The following GALNT17 variants were observed in gnomAD, a reference collection of about 807,000 sequenced individuals.
The protein encoded by GALNT17 is polypeptide N-acetylgalactosaminyltransferase 17, also known as UDP-GalNAc:polypeptide N-acetylgalactosaminyltransferase-like 3.
Under a neutral mutation model 63.7 loss-of-function variants are expected in GALNT17, and 29 were observed. The observed-to-expected ratio is 0.46, with a 90% CI of 0.34 to 0.62. The LOEUF is 0.62. Among genes scored for constraint, GALNT17 ranks in the 20% least tolerant of loss-of-function variants. GALNT17 has a pLI of 0.01. For synonymous variants in GALNT17, 305 were observed against 318.3 expected, an observed-to-expected ratio of 0.96 and a Z score of 0.45; for missense variants, 603 against 799.6, an observed-to-expected ratio of 0.75 and a Z score of 2.97.
intron 6 of GALNT17, among the ~76,000 whole-genome samples, chr7:71,599,142 C>T (rs921600235): frequency 6.6e-6 from 1 of 151,982 alleles, no homozygotes; most frequent in South Asian, 2.1e-4. Context: ...CATGGGACAC[C>T]ATGAGTCTTG....
intron 9 of GALNT17, among the ~76,000 whole-genome samples, chr7:71,699,528 G>A (rs997179591): frequency 6.6e-6 from 1 of 151,078 alleles, no homozygotes; most frequent in African/African-American, 2.4e-5. Context: ...AGAGTGAAAT[G>A]TTGAATTAAA....
At chr7:71,569,594 A>G (rs1409287392) in intron 5 of GALNT17, among the ~76,000 whole-genome samples, 1 of 152,202 alleles carries the variant, frequency 6.6e-6, no homozygotes, top group Non-Finnish European at 1.5e-5. Context: ...TGCATTTTCA[A>G]AGGAGCTGTT....
intron 1 of GALNT17, among the ~76,000 whole-genome samples, chr7:71,331,063 G>A (rs565464392): frequency 6.6e-6 from 1 of 152,270 alleles, no homozygotes; most frequent in East Asian, 1.9e-4. Context: ...CCATCTGGAT[G>A]TCCCACGGAT....
Position 71,458,506 on chromosome 7 carries a change from G to A in GALNT17, c.962+37401G>A, listed in dbSNP as rs933812685. 8.5e-5 allele frequency among the ~76,000 whole-genome samples: 13 copies of A among 152,332 alleles called. No homozygotes were observed. The East Asian group carries it at 1.5e-3, about 18-fold the overall frequency. On this transcript the variant is annotated intron_variant, in intron 5 of 10. Coordinates refer to ENST00000333538, the MANE Select transcript of GALNT17 (RefSeq NM_022479.3). Reference sequence around the variant, plus strand: ...CTCAGATACATTTAGCTCAGTTGCAGTGCTCCTTTAGCTCTGCTACCTACA... The same window carrying A: ...CTCAGATACATTTAGCTCAGTTGCAATGCTCCTTTAGCTCTGCTACCTACA...
At chr7:71,240,874 C>T (rs948802833) in intron 1 of GALNT17, among the ~76,000 whole-genome samples, 5 of 152,024 alleles carry the variant, frequency 3.3e-5, no homozygotes, top group Admixed American at 2.6e-4. Flanking sequence ...CCGTGTTAGC[C>T]AGGATGGTCT....
chr7:71,501,095 G>T (rs1006014345), intron 5 of GALNT17, among the ~76,000 whole-genome samples: 1 of 152,080 alleles, frequency 6.6e-6, no homozygotes, highest in African/African-American at 2.4e-5. Context: ...TCAGCCTCCT[G>T]AGTAGCTGGG....
At chr7:71,676,564 T>G (rs924060800) in intron 8 of GALNT17, among the ~76,000 whole-genome samples, 1 of 151,956 alleles carries the variant, frequency 6.6e-6, no homozygotes. Flanking sequence ...GTTTTAATGT[T>G]TTTTTAGGAT....
At chr7:71,379,710 G>A (rs1408427668) in intron 2 of GALNT17, among the ~76,000 whole-genome samples, 1 of 152,124 alleles carries the variant, frequency 6.6e-6, no homozygotes, top group Non-Finnish European at 1.5e-5. Context: ...ACAAAAAGAG[G>A]AGGTTTCAGT....
At chr7:71,373,567 C>T (rs879936808) in intron 2 of GALNT17, among the ~76,000 whole-genome samples, 14 of 152,148 alleles carry the variant, frequency 9.2e-5, no homozygotes, top group Non-Finnish European at 1.5e-4. Context: ...CGAAGCTTCA[C>T]CTGTATTTAC....
intron 1 of GALNT17, among the ~76,000 whole-genome samples, chr7:71,133,847 C>CTGA (rs1787733198): frequency 6.6e-6 from 1 of 152,178 alleles, no homozygotes; most frequent in African/African-American, 2.4e-5. Context: ...TGTTACCTAC[C>CTGA]TGAGTACAGG....
chr7:71,382,029 A>G (rs1792855481), intron 2 of GALNT17, among the ~76,000 whole-genome samples: 1 of 152,168 alleles, frequency 6.6e-6, no homozygotes, highest in Non-Finnish European at 1.5e-5. Context: ...GGAAGTATGG[A>G]GAGTCCAGTT....
chr7:71,472,493 A>G (rs1383103521), intron 5 of GALNT17, among the ~76,000 whole-genome samples: 2 of 151,994 alleles, frequency 1.3e-5, no homozygotes, highest in South Asian at 2.1e-4. Flanking sequence ...TCAAGACCAT[A>G]CTGGCCAACA....
intron 2 of GALNT17, among the ~76,000 whole-genome samples, chr7:71,361,829 C>A (rs926663359): frequency 6.6e-6 from 1 of 151,978 alleles, no homozygotes; most frequent in Admixed American, 6.6e-5. Context: ...AGAGAGTGGG[C>A]AGGCAGGAAG....
chr7:71,192,514 G>A (rs1313902583), intron 1 of GALNT17, among the ~76,000 whole-genome samples: 6 of 151,590 alleles, frequency 4.0e-5, no homozygotes, highest in Admixed American at 2.6e-4. Context: ...TCCCGCCTCA[G>A]CCTCCCAAGT....
chr7:71,535,507 C>T (rs1016516707), intron 5 of GALNT17, among the ~76,000 whole-genome samples: 20 of 152,244 alleles, frequency 1.3e-4, no homozygotes, highest in African/African-American at 4.6e-4. Flanking sequence ...GGAATAAAAT[C>T]GAGTACATTT....
At chr7:71,310,708 T>C (rs1384613000) in intron 1 of GALNT17, among the ~76,000 whole-genome samples, 1 of 152,226 alleles carries the variant, frequency 6.6e-6, no homozygotes, top group African/African-American at 2.4e-5. Flanking sequence ...TTAGCAAAGA[T>C]GAATCCTTCC....
chr7:71,194,586 T>G (rs141001357), intron 1 of GALNT17, among the ~76,000 whole-genome samples: 23 of 152,214 alleles, frequency 1.5e-4, no homozygotes, highest in African/African-American at 5.5e-4. Context: ...TGCTGATGAG[T>G]GAGGACATGG....
intron 7 of GALNT17, among the ~76,000 whole-genome samples, chr7:71,666,193 G>A (rs1388563078): frequency 2.6e-5 from 4 of 151,800 alleles, no homozygotes; most frequent in Non-Finnish European, 4.4e-5. Context: ...TCATCCCTTG[G>A]TATCCACAGG....
At chr7:71,165,323 G>GTT (rs1183436591) in intron 1 of GALNT17, among the ~76,000 whole-genome samples, 1 of 152,150 alleles carries the variant, frequency 6.6e-6, no homozygotes, top group East Asian at 1.9e-4. Context: ...GTATTAGTCT[G>GTT]TTTTCACACT....
Sources: allele counts gnomAD v4.1 joint callset (sites outside exome capture counted in the v4.1 genomes callset), GRCh38; gene constraint gnomAD v4.1.1; transcripts MANE v1.5; gene names NCBI Gene and HGNC (gene_info 2026-07-23, HGNC 2026-07-21).